RTN1: variants seen among roughly 807,000 people sequenced by gnomAD.
RTN1 encodes reticulon-1.
RTN1 carries 25 observed loss-of-function variants against 65.5 expected under a neutral mutation model. The observed-to-expected ratio is 0.38, with a 90% CI of 0.28 to 0.53. The LOEUF (loss-of-function observed/expected upper bound fraction) is 0.53. Ranked by LOEUF, RTN1 falls within the 20% of genes least tolerant of loss-of-function variation. The pLI, the probability that RTN1 is intolerant of heterozygous loss-of-function variation, is 0.79. For missense variants in RTN1, 983 were observed against 1,025.4 expected (o/e 0.96, Z 0.57); for synonymous variants, 471 against 447.6 (o/e 1.05, Z -0.66).
At chr14:59,798,968 G>T (rs1820309636) in intron 1 of RTN1, among the ~76,000 whole-genome samples, 1 of 152,126 alleles carries the variant, frequency 6.6e-6, no homozygotes, top group South Asian at 2.1e-4. Flanking sequence ...GATTTGCTAA[G>T]ATCTCTTGAA....
intron 2 of RTN1, among the ~76,000 whole-genome samples, chr14:59,735,057 G>T (rs1884976293): frequency 6.6e-6 from 1 of 152,032 alleles, no homozygotes; most frequent in African/African-American, 2.4e-5. Context: ...AACCCTATAA[G>T]CTAGAAGAGA....
intron 3 of RTN1, among the ~76,000 whole-genome samples, chr14:59,721,233 G>A (rs1276920820): frequency 6.6e-6 from 1 of 152,120 alleles, no homozygotes; most frequent in Non-Finnish European, 1.5e-5. Context: ...CTGCCACAAG[G>A]GGCTGAGCCC....
rs140175583 is a variant in RTN1 at position 59,623,553 on chromosome 14, G to A, written c.1766-16061C>T. Among the ~76,000 whole-genome samples, 170 of 152,312 alleles carry A rather than the reference G, an allele frequency of 1.1e-3. 1 individual carries two copies. Among genetic ancestry groups the A allele is most frequent in the African/African-American group, 3.8e-3 (157 of 41,574 alleles). ...GGAAATGTGATAGTTGAGGCATGAA[G>A]AAATAATTTTGAGATACTCAAGAAT... On this transcript the variant is annotated intron_variant, in intron 3 of 8. Coordinates refer to ENST00000267484, the MANE Select transcript of RTN1 (RefSeq NM_021136.3).
intron 1 of RTN1, among the ~76,000 whole-genome samples, chr14:59,841,105 G>A (rs925382469): frequency 8.5e-5 from 13 of 152,170 alleles, no homozygotes; most frequent in African/African-American, 2.9e-4. Flanking sequence ...AAGTGAAGAT[G>A]AAAGAGTGAA....
chr14:59,809,233 A>G (rs572102186), intron 1 of RTN1, among the ~76,000 whole-genome samples: 2 of 152,232 alleles, frequency 1.3e-5, no homozygotes, highest in East Asian at 3.9e-4. Flanking sequence ...GGAACCAATG[A>G]AGTCTGTTTC....
intron 3 of RTN1, among the ~76,000 whole-genome samples, chr14:59,652,503 A>C (rs1883040335): frequency 6.6e-6 from 1 of 152,234 alleles, no homozygotes; most frequent in Non-Finnish European, 1.5e-5. Flanking sequence ...TAGCCATAAA[A>C]ATGAACAAGC....
intron 1 of RTN1, among the ~76,000 whole-genome samples, chr14:59,770,555 T>C (rs1885936723): frequency 6.6e-6 from 1 of 152,116 alleles, no homozygotes; most frequent in Non-Finnish European, 1.5e-5. Flanking sequence ...AATTTATCAT[T>C]AAGAACCTTA....
chr14:59,796,401 T>C (rs1019731959), intron 1 of RTN1, among the ~76,000 whole-genome samples: 14 of 152,214 alleles, frequency 9.2e-5, no homozygotes, highest in Non-Finnish European at 1.5e-5. Flanking sequence ...TGTTATAAGC[T>C]ATGTATCAAT....
At chr14:59,863,946 T>C (rs888418662) in intron 1 of RTN1, among the ~76,000 whole-genome samples, 5 of 152,130 alleles carry the variant, frequency 3.3e-5, no homozygotes, top group South Asian at 2.1e-4. Context: ...ATGCTGTTAC[T>C]CTGGTGCAAG....
chr14:59,810,128 T>C (rs1319168157), intron 1 of RTN1, among the ~76,000 whole-genome samples: 2 of 152,196 alleles, frequency 1.3e-5, no homozygotes, highest in African/African-American at 2.4e-5. Flanking sequence ...ATCTGGACTA[T>C]CTTTTTGAGA....
chr14:59,789,854 A>T (rs1230411930), intron 1 of RTN1, among the ~76,000 whole-genome samples: 1 of 152,134 alleles, frequency 6.6e-6, no homozygotes, highest in Non-Finnish European at 1.5e-5. Flanking sequence ...ACTGATAGGT[A>T]TCAAAAAAAC....
At chr14:59,843,487 AATT>A (rs1887351348) in intron 1 of RTN1, among the ~76,000 whole-genome samples, 1 of 152,246 alleles carries the variant, frequency 6.6e-6, no homozygotes, top group African/African-American at 2.4e-5. Flanking sequence ...TAAATGGTAT[AATT>A]AAGTTAAATC....
intron 3 of RTN1, among the ~76,000 whole-genome samples, chr14:59,694,783 T>G (rs1884029160): frequency 6.6e-6 from 1 of 152,176 alleles, no homozygotes; most frequent in South Asian, 2.1e-4. Context: ...CAAAGTAGTT[T>G]GACAAGGAGT....
chr14:59,632,958 C>T (rs563901684), intron 3 of RTN1, among the ~76,000 whole-genome samples: 4 of 152,050 alleles, frequency 2.6e-5, no homozygotes, highest in African/African-American at 7.2e-5. Flanking sequence ...AAATTTTTTC[C>T]GGGCATGGTG....
chr14:59,601,660 TC>T (rs1172146242), intron 8 of RTN1, among the ~76,000 whole-genome samples: 1 of 152,204 alleles, frequency 6.6e-6, no homozygotes, highest in Non-Finnish European at 1.5e-5. Context: ...AGAACTTCTA[TC>T]TTCCAGTTTC....
intron 2 of RTN1, among the ~76,000 whole-genome samples, chr14:59,733,686 C>T (rs1884948340): frequency 6.6e-6 from 1 of 152,048 alleles, no homozygotes; most frequent in Non-Finnish European, 1.5e-5. Flanking sequence ...CTCCTCCTTG[C>T]AGGGGGGTCC....
At chr14:59,707,803 T>C (rs1323586798) in intron 3 of RTN1, among the ~76,000 whole-genome samples, 1 of 150,962 alleles carries the variant, frequency 6.6e-6, no homozygotes, top group Non-Finnish European at 1.5e-5. Context: ...AATGAACACC[T>C]ACAATCAAGG....
At chr14:59,597,399 G>T (rs1881435647) in intron 8 of RTN1, among the ~76,000 whole-genome samples, 1 of 152,230 alleles carries the variant, frequency 6.6e-6, no homozygotes, top group South Asian at 2.1e-4. Flanking sequence ...TATCTCCAGG[G>T]TCCTGAAATT....
intron 6 of RTN1, 119 bp downstream of exon 6, chr14:59,603,733 G>A (rs1207612632): frequency 1.5e-6 from 1 of 657,134 alleles, no homozygotes; most frequent in African/African-American, 1.8e-5. Context: ...TCTGCACTCA[G>A]GGATATCTGG....
Sources: gnomAD v4.1 joint callset for allele counts (sites outside exome capture counted in the v4.1 genomes callset) on GRCh38, gnomAD v4.1.1 for gene constraint, MANE v1.5 for transcripts, NCBI Gene and HGNC (gene_info 2026-07-23, HGNC 2026-07-21) for gene names.